Variants in MYT1L observed in about 807,000 individuals in gnomAD.
MYT1L encodes myelin transcription factor 1 like, also known as myelin transcription factor 1-like protein.
MYT1L carries 12 observed loss-of-function variants against 126.7 expected under a neutral mutation model. That is an observed-to-expected ratio of 0.09 (90% CI 0.06 to 0.15). MYT1L has a LOEUF of 0.15. MYT1L is among the 10% of genes least tolerant of loss of function. The pLI, the probability that MYT1L is intolerant of heterozygous loss-of-function variation, is 1.00. For synonymous variants in MYT1L, 541 were observed against 604.2 expected (o/e 0.90, Z 1.53); for missense variants, 979 against 1,585.2 (o/e 0.62, Z 6.49).
rs1471082772 is a variant in MYT1L at position 1,979,625 on chromosome 2, AAAAGGGTGGCATG to A, written c.56-84_56-72del. 1 of 1,602,104 alleles carries A rather than the reference AAAAGGGTGGCATG, an allele frequency of 6.2e-7. No homozygotes were observed. The highest frequency in any genetic ancestry group is 8.6e-7 in the Non-Finnish European group (1 of 1,169,352). On this transcript the variant is annotated intron_variant, in intron 6 of 24. Coordinates refer to ENST00000647738, the MANE Select transcript of MYT1L (RefSeq NM_001303052.2). This position sits in a 1 kb window ranked among gnomAD's most constrained non-coding sequence, Gnocchi z 4.0. ...CGACCCTCTTCCACAGAAAATTACC[AAAAGGGTGGCATG>A]AAAGTGGGGTCAGAATCGACCTCAG...
chr2:2,019,717 G>C (rs2064834979), intron 4 of MYT1L, among the ~76,000 whole-genome samples: 1 of 152,080 alleles, frequency 6.6e-6, no homozygotes, highest in African/African-American at 2.4e-5. Flanking sequence ...TCACACACAG[G>C]CTGCCACACC....
intron 11 of MYT1L, among the ~76,000 whole-genome samples, chr2:1,916,581 T>C (rs1332529980): frequency 6.6e-6 from 1 of 152,238 alleles, no homozygotes; most frequent in East Asian, 1.9e-4. Context: ...TTAGCTATAT[T>C]CATGGACTTA....
At chr2:2,016,378 T>A (rs1456302101) in intron 4 of MYT1L, among the ~76,000 whole-genome samples, 1 of 152,188 alleles carries the variant, frequency 6.6e-6, no homozygotes, top group Non-Finnish European at 1.5e-5. Flanking sequence ...AGCAGAGAAA[T>A]TCCTCCTCCT....
chr2:2,070,334 G>A (rs2074447260), intron 3 of MYT1L, among the ~76,000 whole-genome samples: 1 of 152,116 alleles, frequency 6.6e-6, no homozygotes, highest in Admixed American at 6.6e-5. Flanking sequence ...TGTCTAACCT[G>A]CGTTGCGACA....
intron 3 of MYT1L, among the ~76,000 whole-genome samples, chr2:2,122,855 G>GTGTC (rs1332385066): frequency 6.8e-6 from 1 of 146,746 alleles, no homozygotes; most frequent in Non-Finnish European, 1.5e-5. Context: ...GTGTGTGTGT[G>GTGTC]TGTGTGTGTG....
intron 15 of MYT1L, among the ~76,000 whole-genome samples, chr2:1,890,639 A>G (rs1483439835): frequency 6.6e-6 from 1 of 151,780 alleles, no homozygotes; most frequent in Non-Finnish European, 1.5e-5. Flanking sequence ...ACATGGACAG[A>G]AAGTTAAAAA....
chr2:2,259,641 A>C (rs1382087632), intron 2 of MYT1L, among the ~76,000 whole-genome samples: 1 of 152,222 alleles, frequency 6.6e-6, no homozygotes, highest in Non-Finnish European at 1.5e-5. Context: ...GGAAAATTAA[A>C]ATCACATTCT....
rs2241684 is a variant in MYT1L at position 1,910,102 on chromosome 2, C to T, written c.1817+138G>A. On this transcript the variant is annotated intron_variant, in intron 13 of 24. Coordinates refer to ENST00000647738, the MANE Select transcript of MYT1L (RefSeq NM_001303052.2). This position sits in a 1 kb window ranked among gnomAD's most constrained non-coding sequence, Gnocchi z 4.8. ...GGCCTGGAGTGAGGGGTCCTGGCCC[C>T]GGCTTCCAGCACAGCCCCGCCCTCC... 112 of 746,076 alleles carry T rather than the reference C, an allele frequency of 1.5e-4. No individual in the cohort carries two copies. Among genetic ancestry groups the T allele is most frequent in the African/African-American group, 3.5e-5 (2 of 57,660 alleles). The allele number at this position is 746,076 out of a possible 1,614,324, so 46.2% of individuals were successfully genotyped here.
chr2:2,046,124 G>T (rs2068149994), intron 4 of MYT1L, among the ~76,000 whole-genome samples: 1 of 152,210 alleles, frequency 6.6e-6, no homozygotes, highest in Admixed American at 6.5e-5. Context: ...AGCTTCAAGA[G>T]ATATACTATG....
At chr2:1,967,396 G>A (rs1442177177) in intron 8 of MYT1L, among the ~76,000 whole-genome samples, 1 of 152,180 alleles carries the variant, frequency 6.6e-6, no homozygotes, top group Non-Finnish European at 1.5e-5. Context: ...TGCATTTGGG[G>A]ATGTACCCAG....
chr2:2,165,203 T>C (rs1350777599), intron 3 of MYT1L, among the ~76,000 whole-genome samples: 3 of 152,218 alleles, frequency 2.0e-5, no homozygotes, highest in Non-Finnish European at 4.4e-5. Flanking sequence ...GTTTAAAGTA[T>C]GTCTGTAAGG....
rs545665646 is a variant in MYT1L, at chr2:2,286,206, C to T, written c.-520-1703G>A. Among the ~76,000 whole-genome samples the T allele has an allele frequency of 9.5e-4, 144 of 152,272 alleles. 1 individual carries two copies. Among genetic ancestry groups the T allele is most frequent in the Non-Finnish European group, 1.2e-4 (8 of 68,026 alleles). On this transcript the variant is annotated intron_variant, in intron 1 of 24. Transcript: ENST00000647738. ...CCATGTTGGTCAGGCTGGTCTTGAA[C>T]TCCTGACCTCGTGATCCACCGACCT... is the stretch of plus-strand genomic sequence containing the variant.
At chr2:2,054,747 C>G (rs1480220000) in intron 3 of MYT1L, among the ~76,000 whole-genome samples, 1 of 148,650 alleles carries the variant, frequency 6.7e-6, no homozygotes, top group Non-Finnish European at 1.5e-5. Flanking sequence ...ATCATGAGCA[C>G]ATGGAGATGA....
intron 3 of MYT1L, among the ~76,000 whole-genome samples, chr2:2,070,491 C>A (rs1005478107): frequency 9.9e-5 from 15 of 152,172 alleles, no homozygotes; most frequent in Non-Finnish European, 1.5e-4. Flanking sequence ...AAACAAGTTC[C>A]TTCTGGCTTG....
chr2:1,822,746 T>A lies in MYT1L; in HGVS notation c.3081-13579A>T, dbSNP rs1045660231. On this transcript the variant is annotated intron_variant, in intron 21 of 24. Transcript: ENST00000647738. ...CTGGCAGTCAGAAGCCACCGCCTCA[T>A]GGCTGCTGCTGTGTCCACGGTGAAA... Among the ~76,000 whole-genome samples, 34 of 142,446 alleles carry A rather than the reference T, an allele frequency of 2.4e-4. 1 individual carries two copies. The highest frequency in any genetic ancestry group is 6.4e-4 in the African/African-American group (23 of 36,094). 93.5% of individuals were successfully genotyped at this position (142,446 alleles called of 152,430 possible).
intron 2 of MYT1L, among the ~76,000 whole-genome samples, chr2:2,213,514 CAGG>C (rs1350165995): frequency 1.3e-5 from 2 of 152,198 alleles, no homozygotes; most frequent in African/African-American, 2.4e-5. Flanking sequence ...AAAATCCTTG[CAGG>C]AGGAGTGTGC....
chr2:1,885,679 T>C (rs887177673), intron 18 of MYT1L, among the ~76,000 whole-genome samples: 2 of 152,180 alleles, frequency 1.3e-5, no homozygotes, highest in Admixed American at 6.5e-5. Flanking sequence ...ACCAAGCAAT[T>C]TGACATAATG....
rs144730902 is a variant in MYT1L at position 1,964,139 on chromosome 2, C to T, written c.152+15026G>A. Among the ~76,000 whole-genome samples, 123 of 152,236 alleles carry T rather than the reference C, an allele frequency of 8.1e-4. 1 individual carries two copies. Among genetic ancestry groups the T allele is most frequent in the African/African-American group, 2.6e-3 (110 of 41,528 alleles). On this transcript the variant is annotated intron_variant, in intron 8 of 24. Coordinates refer to ENST00000647738, the MANE Select transcript of MYT1L (RefSeq NM_001303052.2). Reference sequence around the variant, plus strand: ...TGGCCTAATTTCAATATTATTGTGTCTCAGGGAATAGGAAGGCCTGAGGAG... The same window carrying T: ...TGGCCTAATTTCAATATTATTGTGTTTCAGGGAATAGGAAGGCCTGAGGAG...
At chr2:2,176,084 A>G (rs972152121) in intron 2 of MYT1L, among the ~76,000 whole-genome samples, 48 of 152,194 alleles carry the variant, frequency 3.2e-4, no homozygotes, top group Non-Finnish European at 3.7e-4. Context: ...TGTGCTCATG[A>G]GACAGTCACT....
Sources: gnomAD v4.1 joint callset for allele counts (sites outside exome capture counted in the v4.1 genomes callset) on GRCh38, gnomAD v4.1.1 for gene constraint, Gnocchi (gnomAD v3.1) non-coding constraint, MANE v1.5 for transcripts, NCBI Gene and HGNC (gene_info 2026-07-23, HGNC 2026-07-21) for gene names.